TRPC3: variants seen among roughly 807,000 people sequenced by gnomAD.
TRPC3 encodes the protein short transient receptor potential channel 3.
TRPC3 carries 54 observed loss-of-function variants against 90.9 expected under a neutral mutation model. The ratio of observed to expected loss-of-function variants is 0.59; its 90% CI spans 0.48 to 0.75. The LOEUF is 0.75. Ranked by LOEUF, TRPC3 falls within the 30% of genes least tolerant of loss-of-function variation. The pLI, the probability that TRPC3 is intolerant of heterozygous loss-of-function variation, is 0.00. For synonymous variants in TRPC3, 424 were observed against 450.9 expected, an observed-to-expected ratio of 0.94 and a Z score of 0.75; for missense variants, 918 against 1,194.5, an observed-to-expected ratio of 0.77 and a Z score of 3.41.
chr4:121,923,356 C>T (rs79831724), intron 3 of TRPC3, among the ~76,000 whole-genome samples: 6,003 of 152,202 alleles, frequency 0.039, 389 homozygotes, highest in African/African-American at 0.14. Flanking sequence ...CCTCTACCTC[C>T]TCTTAGGATT....
At chr4:121,922,193 A>AT (rs1276114033) in intron 3 of TRPC3, among the ~76,000 whole-genome samples, 1 of 152,048 alleles carries the variant, frequency 6.6e-6, no homozygotes, top group East Asian at 1.9e-4. Flanking sequence ...AAGTGCTGGG[A>AT]TTACAGGTGT....
intron 2 of TRPC3, among the ~76,000 whole-genome samples, chr4:121,927,589 A>T (rs4593156): frequency 6.6e-6 from 1 of 152,238 alleles, no homozygotes; most frequent in East Asian, 1.9e-4. Context: ...AAAAATTTCA[A>T]TTTTTTTCCT....
At chr4:121,942,551 A>C (rs1578658355) in intron 1 of TRPC3, among the ~76,000 whole-genome samples, 1 of 152,258 alleles carries the variant, frequency 6.6e-6, no homozygotes. Flanking sequence ...CCTGGGTGAC[A>C]GAACGAGACC....
intron 1 of TRPC3, chr4:121,950,739 C>A (rs1457751748): frequency 6.6e-6 from 1 of 152,328 alleles, no homozygotes; most frequent in Non-Finnish European, 1.5e-5. Flanking sequence ...GCTGACCCTG[C>A]ACCGCCTGGG....
intron 9 of TRPC3, among the ~76,000 whole-genome samples, chr4:121,900,019 C>A (rs968520008): frequency 7.9e-5 from 12 of 152,156 alleles, no homozygotes; most frequent in Non-Finnish European, 1.5e-4. Context: ...CTCAAGGCAT[C>A]TAGAAGGCCA....
At chr4:121,946,475 A>C (rs966790408) in intron 1 of TRPC3, among the ~76,000 whole-genome samples, 9 of 152,252 alleles carry the variant, frequency 5.9e-5, no homozygotes, top group African/African-American at 2.2e-4. Context: ...AAATGTAGTC[A>C]TACTATACTA....
chr4:121,894,957 T>C (rs1367038262), intron 10 of TRPC3, among the ~76,000 whole-genome samples: 1 of 152,086 alleles, frequency 6.6e-6, no homozygotes, highest in African/African-American at 2.4e-5. Flanking sequence ...CAAAATTATA[T>C]CAAGTATTTT....
At position 121,951,497 on chromosome 4, in the gene TRPC3, A is replaced by C; in HGVS notation, c.184T>G (p.Cys62Gly). The C allele has an allele frequency of 7.4e-7, 1 of 1,348,448 alleles. No individual in the cohort carries two copies. The highest frequency in any genetic ancestry group is 9.5e-7 in the Non-Finnish European group (1 of 1,051,738). The allele number at this position is 1,348,448 out of a possible 1,614,324, so 83.5% of individuals were successfully genotyped here. A position where few individuals can be genotyped will look rare whatever the true frequency, so the allele number is the denominator to read the frequency against. The change falls in exon 1 of 12, where the codon TGC becomes GGC. Residue 62 changes from cysteine (C) to glycine (G), a missense_variant. Physicochemically the swap from Cys to Gly is radical, Grantham distance 159 (BLOSUM62 -3). Around this residue, in one of 4 missense-constraint regions of TRPC3, gnomAD observed 609 missense variants for 725.9 expected, o/e 0.84. Transcript: ENST00000379645. The surrounding 1 kb of genome is among the most constrained non-coding windows in gnomAD (Gnocchi z 4.4). ...GGCCCGTGGGAGAAGGGCGGCGGGCAGTAGCCGTGCGGCTCCCGCTGCGAG... is the reference window on the plus strand; with the variant it reads ...GGCCCGTGGGAGAAGGGCGGCGGGCCGTAGCCGTGCGGCTCCCGCTGCGAG... ...APSQREPHGY[C>G]PPPFSHGPDL...
At chr4:121,920,577 CCT>C (rs1206936495) in intron 3 of TRPC3, among the ~76,000 whole-genome samples, 1 of 152,002 alleles carries the variant, frequency 6.6e-6, no homozygotes, top group East Asian at 1.9e-4. Flanking sequence ...AAATCCATTC[CCT>C]GTTAGTAAAG....
chr4:121,949,778 CA>C (rs1316759437), intron 1 of TRPC3, among the ~76,000 whole-genome samples: 1 of 152,160 alleles, frequency 6.6e-6, no homozygotes, highest in East Asian at 1.9e-4. Flanking sequence ...AGTTAGCAAA[CA>C]TATACAAAAG....
chr4:121,914,884 C>G lies in TRPC3; in HGVS notation c.1237G>C (p.Gly413Arg), dbSNP rs771732228. Residue 413 changes from glycine to arginine, a missense_variant, in exon 4 of 12, where the codon GGC becomes CGC. By Grantham distance (125) the Gly-to-Arg change is moderately radical (BLOSUM62 -2). Transcript: ENST00000379645. ...ATAGCTATGGTCTGCTCCCTTAGGC[C>G]TGAGAGGTTCTCATACCAGATCGTC... ...LLTIWYENLSGLREQTIAIKC... is the reference protein window; with the variant it reads ...LLTIWYENLSRLREQTIAIKC... 6.2e-7 allele frequency: 1 copy of G among 1,613,502 alleles called. No individual in the cohort carries two copies. Among genetic ancestry groups the G allele is most frequent in the East Asian group, 2.2e-5 (1 of 44,866 alleles).
chr4:121,891,332 T>C lies in TRPC3; in HGVS notation c.2547+8280A>G, dbSNP rs531590412. On this transcript the variant is annotated intron_variant, in intron 10 of 11. Transcript: ENST00000379645. Reference sequence around the variant, plus strand: ...AGAACATAGTTCTCATAAACTCTTCTTGAAGGAACTACCAAAAGACAAAGT... The same window carrying C: ...AGAACATAGTTCTCATAAACTCTTCCTGAAGGAACTACCAAAAGACAAAGT... Among the ~76,000 whole-genome samples the C allele has an allele frequency of 8.5e-5, 13 of 152,276 alleles. 1 individual carries two copies. The South Asian group carries it at 1.5e-3, about 17-fold the overall frequency.
chr4:121,877,576 A>G lies in TRPC3; in HGVS notation c.*2160T>C, dbSNP rs1727798016. On this transcript the variant is annotated 3_prime_UTR_variant, in exon 12 of 12. Coordinates refer to ENST00000379645, the MANE Select transcript of TRPC3 (RefSeq NM_001130698.2). ...ACAGGAGAATCTGGGAGACAGGTGC[A>G]CTGGTCCAGTAGAGGGCATCTGGGC... Among the ~76,000 whole-genome samples the G allele has an allele frequency of 6.6e-6, 1 of 152,126 alleles. No individual in the cohort carries two copies. The highest frequency in any genetic ancestry group is 1.5e-5 in the Non-Finnish European group (1 of 68,016).
intron 1 of TRPC3, among the ~76,000 whole-genome samples, chr4:121,942,308 T>G (rs766149106): frequency 8.5e-5 from 13 of 152,174 alleles, no homozygotes; most frequent in Admixed American, 7.9e-4. Context: ...ATGCCTATAA[T>G]CCCAGTACTT....
At chr4:121,903,147 T>A in intron 8 of TRPC3, 86 bp from the exon 9 acceptor site, 1 of 1,232,078 alleles carries the variant, frequency 8.1e-7, no homozygotes, top group Non-Finnish European at 1.1e-6. Context: ...ACAATGAATC[T>A]AAGTTACGTT....
rs779146736 is a variant in TRPC3, at chr4:121,932,687, C to A, written c.571G>T (p.Val191Leu). ...CCAGGGTGGTTGAGGATGGCCTCTACGATGCGCACGTAGCCCTTGCTGATG... is the reference window on the plus strand; with the variant it reads ...CCAGGGTGGTTGAGGATGGCCTCTAAGATGCGCACGTAGCCCTTGCTGATG... ...LAISKGYVRI[V>L]EAILNHPGFA... is the part of the protein sequence containing the mutation. Residue 191 changes from valine to leucine, a missense_variant, in exon 2 of 12, where the codon GTA (valine) becomes TTA (leucine). Transcript: ENST00000379645. The surrounding 1 kb of genome is among the most constrained non-coding windows in gnomAD (Gnocchi z 7.7). 1.2e-6 allele frequency: 2 copies of A among 1,613,586 alleles called. No individual in the cohort carries two copies. Among genetic ancestry groups the A allele is most frequent in the South Asian group, 1.1e-5 (1 of 91,058 alleles).
Position 121,879,547 on chromosome 4 carries a change from A to C in TRPC3, c.*189T>G. On this transcript the variant is annotated 3_prime_UTR_variant, in exon 12 of 12. Transcript: ENST00000379645. ...CACAATGGTATGCCACTGTAATGTC[A>C]AAGCAGACAAATAAAATGCATTTTC... 3.4e-6 allele frequency: 2 copies of C among 594,644 alleles called. No homozygotes were observed. The highest frequency in any genetic ancestry group is 5.5e-6 in the Non-Finnish European group (2 of 362,300). The allele number at this position is 594,644 out of a possible 1,614,324, so 36.8% of individuals were successfully genotyped here.
At chr4:121,927,770 A>G (rs926178580) in intron 2 of TRPC3, among the ~76,000 whole-genome samples, 2 of 152,238 alleles carry the variant, frequency 1.3e-5, no homozygotes, top group Non-Finnish European at 2.9e-5. Context: ...AAGGGAACAG[A>G]TAAAATGAAT....
rs544707291 is a variant in TRPC3 at position 121,932,847 on chromosome 4, C to T, written c.411G>A (p.Thr137=). The stretch of plus-strand genomic sequence containing the variant: ...TGTAGTCCACGCAGTTGACGTTCAG[C>T]GTCTTGGACTCCTCCAGCATCTTGC... ...VVRKMLEESK[T]LNVNCVDYMG... Residue 137 remains threonine, a synonymous_variant, in exon 2 of 12, where the codon ACG becomes ACA. Transcript: ENST00000379645. This position sits in a 1 kb window ranked among gnomAD's most constrained non-coding sequence, Gnocchi z 7.7. 3.1e-6 allele frequency: 5 copies of T among 1,611,198 alleles called. No homozygotes were observed. The highest frequency in any genetic ancestry group is 2.2e-5 in the South Asian group (2 of 90,838).
Sources: gnomAD v4.1 joint callset for allele counts (sites outside exome capture counted in the v4.1 genomes callset) on GRCh38, gnomAD v4.1.1 for gene constraint, gnomAD v4.1.1 regional missense constraint, Gnocchi (gnomAD v3.1) non-coding constraint, MANE v1.5 for transcripts, NCBI Gene and HGNC (gene_info 2026-07-23, HGNC 2026-07-21) for gene names.